The following KCNQ5 variants were observed in gnomAD, a reference collection of about 807,000 sequenced individuals.
KCNQ5 encodes potassium voltage-gated channel subfamily KQT member 5.
Under a neutral mutation model 98.2 loss-of-function variants are expected in KCNQ5, and 30 were observed. That is an observed-to-expected ratio of 0.31 (90% CI 0.23 to 0.41). The LOEUF is 0.41. Among genes scored for constraint, KCNQ5 ranks in the 10% least tolerant of loss-of-function variants. The probability of loss-of-function intolerance (pLI) is 1.00; values close to 1 mark genes in which losing one functional copy is unlikely to be tolerated. For missense variants in KCNQ5, 835 were observed against 1,182.5 expected (o/e 0.71, Z 4.31); for synonymous variants, 458 against 449.4 (o/e 1.02, Z -0.24).
chr6:73,150,074 G>A (rs1777090268), intron 10 of KCNQ5, among the ~76,000 whole-genome samples: 1 of 150,822 alleles, frequency 6.6e-6, no homozygotes, highest in Non-Finnish European at 1.5e-5. Flanking sequence ...TCACCAAAGA[G>A]CATATAAACA....
At chr6:72,664,437 T>A (rs1766690282) in intron 1 of KCNQ5, among the ~76,000 whole-genome samples, 1 of 152,064 alleles carries the variant, frequency 6.6e-6, no homozygotes, top group Non-Finnish European at 1.5e-5. Context: ...GCAGGTCACT[T>A]GAGGTCAGGA....
chr6:72,718,877 A>G (rs1454543015), intron 1 of KCNQ5, among the ~76,000 whole-genome samples: 1 of 152,300 alleles, frequency 6.6e-6, no homozygotes, highest in East Asian at 1.9e-4. Flanking sequence ...CTGCTATTGT[A>G]TATCAATTGC....
intron 11 of KCNQ5, among the ~76,000 whole-genome samples, chr6:73,173,642 A>G (rs1271191368): frequency 6.6e-6 from 1 of 152,154 alleles, no homozygotes; most frequent in Non-Finnish European, 1.5e-5. Flanking sequence ...AAAAATTAAT[A>G]TATGCTGTTT....
chr6:72,718,621 T>C (rs758457693), intron 1 of KCNQ5, among the ~76,000 whole-genome samples: 25 of 151,914 alleles, frequency 1.6e-4, no homozygotes, highest in Non-Finnish European at 3.7e-4. Context: ...TGGCTAATTT[T>C]TATATTTTTA....
At chr6:72,683,220 T>A (rs1422413685) in intron 1 of KCNQ5, among the ~76,000 whole-genome samples, 11 of 152,150 alleles carry the variant, frequency 7.2e-5, no homozygotes, top group Admixed American at 7.2e-4. Flanking sequence ...GCCTTTGCTG[T>A]CAGACTTTCT....
intron 1 of KCNQ5, among the ~76,000 whole-genome samples, chr6:72,915,452 A>G (rs369826203): frequency 3.0e-3 from 451 of 152,322 alleles, no homozygotes; most frequent in African/African-American, 9.9e-3. Flanking sequence ...AAAAATCACA[A>G]CAAAGAATCC....
chr6:73,030,956 G>A (rs1268019396), intron 2 of KCNQ5, among the ~76,000 whole-genome samples: 3 of 152,124 alleles, frequency 2.0e-5, no homozygotes, highest in African/African-American at 7.2e-5. Flanking sequence ...TGCTTTCCTG[G>A]TTACTGAGTA....
chr6:73,053,546 CT>C (rs1478520825), intron 3 of KCNQ5, among the ~76,000 whole-genome samples: 4 of 152,106 alleles, frequency 2.6e-5, no homozygotes, highest in African/African-American at 9.6e-5. Context: ...CACTCTCAGA[CT>C]ACAGTGCAAT....
chr6:73,136,982 T>C (rs1255488938), intron 10 of KCNQ5, among the ~76,000 whole-genome samples: 4 of 152,058 alleles, frequency 2.6e-5, no homozygotes, highest in African/African-American at 9.7e-5. Flanking sequence ...CCCATTAACA[T>C]GCTCAGGAGA....
Position 72,636,069 on chromosome 6 carries a change from A to T in KCNQ5, c.398+13482A>T, listed in dbSNP as rs953742. 9.0e-3 allele frequency among the ~76,000 whole-genome samples: 1,374 copies of T among 152,264 alleles called. 10 individuals are homozygous for T. Among genetic ancestry groups the T allele is most frequent in the East Asian group, 0.021 (107 of 5,190 alleles). On this transcript the variant is annotated intron_variant, in intron 1 of 13. Coordinates refer to ENST00000370398, the MANE Select transcript of KCNQ5 (RefSeq NM_019842.4). ...AGTCAGATATTCAGTGAATAATTTT[A>T]AAAGTTTTTACCTTCTGTTTTGGAA...
chr6:72,631,499 CA>C (rs908366008), intron 1 of KCNQ5, among the ~76,000 whole-genome samples: 4 of 148,640 alleles, frequency 2.7e-5, no homozygotes, highest in Admixed American at 6.7e-5. Flanking sequence ...GAGAGAGTTT[CA>C]AAAAAAAATA....
chr6:72,942,047 G>C (rs1766337451), intron 1 of KCNQ5, among the ~76,000 whole-genome samples: 1 of 152,136 alleles, frequency 6.6e-6, no homozygotes, highest in Non-Finnish European at 1.5e-5. Flanking sequence ...TGCTAAAGCA[G>C]TAACTCCTAC....
At chr6:72,857,115 T>G (rs1328814385) in intron 1 of KCNQ5, among the ~76,000 whole-genome samples, 1 of 152,236 alleles carries the variant, frequency 6.6e-6, no homozygotes, top group Non-Finnish European at 1.5e-5. Context: ...CAACAATCTG[T>G]GCATGACTGC....
rs57827688 is a variant in KCNQ5 at position 72,918,911 on chromosome 6, T to G, written c.399-84997T>G. ...AGACTAGAGCTAGAAAGAGAAAATT[T>G]CAGGAGCTGAAGTGTTGCCTTCTCT... is the stretch of plus-strand genomic sequence containing the variant. On this transcript the variant is annotated intron_variant, in intron 1 of 13. Transcript: ENST00000370398. Among the ~76,000 whole-genome samples the G allele has an allele frequency of 6.2e-3, 941 of 152,310 alleles. 22 individuals are homozygous for G. The highest frequency in any genetic ancestry group is 0.045 in the Admixed American group (682 of 15,288).
chr6:72,966,759 T>C (rs540522812), intron 1 of KCNQ5, among the ~76,000 whole-genome samples: 1 of 152,278 alleles, frequency 6.6e-6, no homozygotes, highest in South Asian at 2.1e-4. Flanking sequence ...CATTGTGAGA[T>C]AGGGCCAAAT....
At chr6:72,676,077 T>G (rs1685454830) in intron 1 of KCNQ5, among the ~76,000 whole-genome samples, 1 of 152,198 alleles carries the variant, frequency 6.6e-6, no homozygotes, top group African/African-American at 2.4e-5. Flanking sequence ...GCAAAGACCT[T>G]TGGACTTTTG....
At chr6:72,644,054 G>T (rs1009756878) in intron 1 of KCNQ5, among the ~76,000 whole-genome samples, 1 of 151,998 alleles carries the variant, frequency 6.6e-6, no homozygotes, top group Non-Finnish European at 1.5e-5. Flanking sequence ...AGTATGTACA[G>T]CACATAACAG....
intron 1 of KCNQ5, among the ~76,000 whole-genome samples, chr6:72,738,613 T>C (rs1225110236): frequency 1.3e-5 from 2 of 151,984 alleles, no homozygotes; most frequent in Admixed American, 6.6e-5. Context: ...ATTTGCATGG[T>C]AGTATAGAAA....
intron 11 of KCNQ5, among the ~76,000 whole-genome samples, chr6:73,170,080 G>C (rs1336591211): frequency 6.7e-6 from 1 of 148,762 alleles, no homozygotes; most frequent in Admixed American, 6.7e-5. Context: ...GAAAAGCCAG[G>C]TCATATTAGA....
Sources: gnomAD v4.1 joint callset for allele counts (sites outside exome capture counted in the v4.1 genomes callset) on GRCh38, gnomAD v4.1.1 for gene constraint, MANE v1.5 for transcripts, NCBI Gene and HGNC (gene_info 2026-07-23, HGNC 2026-07-21) for gene names.